PLXDC2: variants seen among roughly 807,000 people sequenced by gnomAD.
PLXDC2 encodes plexin domain containing 2.
A neutral mutation model predicts 68.9 loss-of-function variants in PLXDC2; 40 were observed. The observed-to-expected ratio is 0.58, with a 90% CI of 0.45 to 0.76. The LOEUF (loss-of-function observed/expected upper bound fraction) is 0.76, where lower values mean the gene tolerates loss of function less well. PLXDC2 is among the 30% of genes least tolerant of loss of function. PLXDC2 has a pLI of 0.00. For synonymous variants in PLXDC2, 243 were observed against 234.2 expected (o/e 1.04, Z -0.34); for missense variants, 644 against 661.9 (o/e 0.97, Z 0.30).
intron 4 of PLXDC2, among the ~76,000 whole-genome samples, chr10:20,093,579 C>A (rs1450359390): frequency 1.3e-5 from 2 of 152,006 alleles, no homozygotes; most frequent in African/African-American, 4.8e-5. Flanking sequence ...AAATAAAGAA[C>A]AATATTTTTT....
intron 2 of PLXDC2, among the ~76,000 whole-genome samples, chr10:20,010,036 T>C (rs899917931): frequency 6.6e-6 from 1 of 152,124 alleles, no homozygotes; most frequent in Admixed American, 6.5e-5. Flanking sequence ...AATATTTAGA[T>C]TTCTACTCAT....
chr10:20,182,071 TTGTGTG>T (rs111252782), intron 9 of PLXDC2, among the ~76,000 whole-genome samples: 80 of 146,564 alleles, frequency 5.5e-4, no homozygotes, highest in African/African-American at 1.7e-3. Flanking sequence ...AACCGGTTAT[TTGTGTG>T]TGTGTGTGTG....
At chr10:20,175,210 A>G (rs1460896224) in intron 7 of PLXDC2, among the ~76,000 whole-genome samples, 1 of 152,208 alleles carries the variant, frequency 6.6e-6, no homozygotes, top group Non-Finnish European at 1.5e-5. Flanking sequence ...ACTGTCTAGC[A>G]ATATTCCTAT....
chr10:20,085,123 C>T (rs1020393317), intron 4 of PLXDC2, among the ~76,000 whole-genome samples: 1 of 150,872 alleles, frequency 6.6e-6, no homozygotes. Flanking sequence ...AGCATTTCTC[C>T]AAGCAGCTTG....
rs562958105 is a variant in PLXDC2 at position 19,929,893 on chromosome 10, A to G, written c.113-71882A>G. On this transcript the variant is annotated intron_variant, in intron 1 of 13. Transcript: ENST00000377252. Reference sequence around the variant, plus strand: ...ATCACTTTGTAGGTGGAACTGTGGTAGTGCCTGTTATTCTGAAAGCACTGT... The same window carrying G: ...ATCACTTTGTAGGTGGAACTGTGGTGGTGCCTGTTATTCTGAAAGCACTGT... Among the ~76,000 whole-genome samples, 5 of 152,332 alleles carry G rather than the reference A, an allele frequency of 3.3e-5. No homozygotes were observed. The South Asian group carries it at 1.0e-3, about 32-fold the overall frequency.
In PLXDC2 at chr10:19,845,153, G is replaced by A. The variant is rs184452673; in HGVS notation, c.112+27962G>A. ...GTCACTTCCCTTCTCTGCTCTCCACGTTCCCTGTCTATAGAAGAAGGCCCT... is the reference window on the plus strand; with the variant it reads ...GTCACTTCCCTTCTCTGCTCTCCACATTCCCTGTCTATAGAAGAAGGCCCT... On this transcript the variant is annotated intron_variant, in intron 1 of 13. Coordinates refer to ENST00000377252, the MANE Select transcript of PLXDC2 (RefSeq NM_032812.9). Among the ~76,000 whole-genome samples, 19 of 152,156 alleles carry A rather than the reference G, an allele frequency of 1.2e-4. No individual in the cohort carries two copies. In the East Asian group the frequency reaches 1.4e-3, roughly 11 times the overall value.
intron 1 of PLXDC2, among the ~76,000 whole-genome samples, chr10:19,892,765 A>G (rs1406902131): frequency 6.6e-6 from 1 of 152,076 alleles, no homozygotes; most frequent in Non-Finnish European, 1.5e-5. Flanking sequence ...CTGCAGCAAT[A>G]TGTTTTGATG....
chr10:19,983,775 C>G (rs963639385), intron 1 of PLXDC2, among the ~76,000 whole-genome samples: 1 of 152,106 alleles, frequency 6.6e-6, no homozygotes, highest in South Asian at 2.1e-4. Context: ...CCAGGAGGCT[C>G]GTCCGAAATG....
At chr10:20,142,889 A>T (rs571280461) in intron 4 of PLXDC2, among the ~76,000 whole-genome samples, 1 of 152,198 alleles carries the variant, frequency 6.6e-6, no homozygotes, top group African/African-American at 2.4e-5. Context: ...TTACATAAAT[A>T]CCATGAAAAT....
chr10:19,960,176 T>A (rs1400973878), intron 1 of PLXDC2, among the ~76,000 whole-genome samples: 1 of 119,582 alleles, frequency 8.4e-6, no homozygotes, highest in African/African-American at 3.2e-5. Context: ...TGGCAACATA[T>A]CTAGAGCTCG....
intron 9 of PLXDC2, among the ~76,000 whole-genome samples, chr10:20,188,089 C>T (rs113173273): frequency 0.013 from 1,914 of 151,554 alleles, 49 homozygotes; most frequent in African/African-American, 0.043. Context: ...TTCCCCCCAA[C>T]TCATATAAGT....
intron 4 of PLXDC2, among the ~76,000 whole-genome samples, chr10:20,102,474 T>G (rs1183801807): frequency 1.3e-5 from 2 of 152,366 alleles, no homozygotes; most frequent in East Asian, 3.9e-4. Context: ...CACTCCTTTA[T>G]TTCTATTAAA....
At chr10:19,953,768 T>C (rs558097748) in intron 1 of PLXDC2, among the ~76,000 whole-genome samples, 1 of 152,212 alleles carries the variant, frequency 6.6e-6, no homozygotes, top group South Asian at 2.1e-4. Flanking sequence ...TCTCTAAGAG[T>C]GATTTTAAAA....
intron 2 of PLXDC2, among the ~76,000 whole-genome samples, chr10:20,030,175 C>T (rs185996314): frequency 9.0e-4 from 134 of 149,056 alleles, no homozygotes; most frequent in South Asian, 1.7e-3. Flanking sequence ...CGTAGCCAGA[C>T]AGCTCAACGG....
chr10:20,163,585 G>C lies in PLXDC2; in HGVS notation c.784-883G>C, dbSNP rs973601027. 2.0e-5 allele frequency among the ~76,000 whole-genome samples: 3 copies of C among 151,780 alleles called. No homozygotes were observed. The South Asian group carries it at 6.2e-4, about 32-fold the overall frequency. ...GCTTATTCTGCCTAAAGACGTTTTC[G>C]GTGCATTTATTCTTTTCTTTTACTT... On this transcript the variant is annotated intron_variant, in intron 6 of 13. Coordinates refer to ENST00000377252, the MANE Select transcript of PLXDC2 (RefSeq NM_032812.9).
chr10:20,017,958 G>A (rs918973524), intron 2 of PLXDC2, among the ~76,000 whole-genome samples: 1 of 152,238 alleles, frequency 6.6e-6, no homozygotes, highest in African/African-American at 2.4e-5. Context: ...AGAATGCCCA[G>A]CCTAACAGGA....
chr10:20,221,340 G>T (rs1230254278), intron 12 of PLXDC2, among the ~76,000 whole-genome samples: 4 of 152,132 alleles, frequency 2.6e-5, no homozygotes, highest in African/African-American at 9.7e-5. Context: ...TAAATCCTAC[G>T]ATTTAAGCAT....
chr10:19,888,640 G>A (rs535187669), intron 1 of PLXDC2, among the ~76,000 whole-genome samples: 11 of 152,122 alleles, frequency 7.2e-5, no homozygotes, highest in Non-Finnish European at 1.6e-4. Flanking sequence ...ATGAAACAGA[G>A]ACAAGGACAA....
intron 1 of PLXDC2, among the ~76,000 whole-genome samples, chr10:19,984,270 G>C (rs1052320453): frequency 4.6e-5 from 7 of 152,126 alleles, no homozygotes; most frequent in African/African-American, 1.7e-4. Flanking sequence ...TGAAAGCAAG[G>C]GGGGAAGAGG....
Sources: allele counts gnomAD v4.1 joint callset (sites outside exome capture counted in the v4.1 genomes callset), GRCh38; gene constraint gnomAD v4.1.1; transcripts MANE v1.5; gene names NCBI Gene and HGNC (gene_info 2026-07-23, HGNC 2026-07-21).